Variants in CPNE4 observed in about 807,000 individuals in gnomAD.
CPNE4 encodes the protein copine-4.
Under a neutral mutation model 67.9 loss-of-function variants are expected in CPNE4, and 25 were observed. The ratio of observed to expected loss-of-function variants is 0.37; its 90% confidence interval spans 0.27 to 0.51. CPNE4 has a LOEUF of 0.51. Among genes scored for constraint, CPNE4 ranks in the 20% least tolerant of loss-of-function variants. The pLI, the probability that CPNE4 is intolerant of heterozygous loss-of-function variation, is 0.93. For missense variants in CPNE4, 464 were observed against 690.8 expected (o/e 0.67, Z 3.68); for synonymous variants, 242 against 244.9 (o/e 0.99, Z 0.11).
chr3:131,563,163 A>G (rs779810510), intron 11 of CPNE4, among the ~76,000 whole-genome samples: 1 of 152,052 alleles, frequency 6.6e-6, no homozygotes, highest in South Asian at 2.1e-4. Flanking sequence ...TAGTATGATT[A>G]TCACCAATTA....
At chr3:131,711,411 G>C (rs970093997) in intron 3 of CPNE4, among the ~76,000 whole-genome samples, 6 of 152,202 alleles carry the variant, frequency 3.9e-5, no homozygotes, top group African/African-American at 1.4e-4. Context: ...TCAGTGGGGA[G>C]AGAGAAGTTT....
chr3:131,832,559 G>A (rs2085415385), intron 2 of CPNE4, among the ~76,000 whole-genome samples: 1 of 152,182 alleles, frequency 6.6e-6, no homozygotes, highest in South Asian at 2.1e-4. Context: ...TTACCTTGCA[G>A]TATGGACTTA....
At chr3:131,638,552 G>A (rs894403762) in intron 7 of CPNE4, among the ~76,000 whole-genome samples, 3 of 152,072 alleles carry the variant, frequency 2.0e-5, no homozygotes, top group African/African-American at 7.2e-5. Flanking sequence ...TAAGAAATGA[G>A]ACAGATGGCA....
chr3:131,955,048 G>A (rs941021886), intron 1 of CPNE4, among the ~76,000 whole-genome samples: 4 of 148,372 alleles, frequency 2.7e-5, no homozygotes, highest in Non-Finnish European at 4.5e-5. Context: ...GCTAGAAATC[G>A]CATGTTCCAT....
intron 1 of CPNE4, among the ~76,000 whole-genome samples, chr3:131,963,631 C>T (rs1052826394): frequency 2.0e-5 from 3 of 152,132 alleles, no homozygotes; most frequent in Admixed American, 6.5e-5. Flanking sequence ...CCGGGAAGTT[C>T]GGCAAAACTC....
intron 1 of CPNE4, among the ~76,000 whole-genome samples, chr3:131,985,527 C>T (rs971810172): frequency 3.3e-4 from 50 of 152,108 alleles, no homozygotes; most frequent in Admixed American, 2.0e-4. Context: ...TTATAATTTG[C>T]CTATGATTGC....
chr3:131,916,420 G>A (rs2089187983), intron 1 of CPNE4, among the ~76,000 whole-genome samples: 1 of 151,004 alleles, frequency 6.6e-6, no homozygotes, highest in Admixed American at 6.6e-5. Context: ...AACATATGAA[G>A]CCAGAAGCCA....
upstream of CPNE4, among the ~76,000 whole-genome samples, chr3:132,036,574 A>T (rs1418499910): frequency 6.6e-6 from 1 of 152,246 alleles, no homozygotes; most frequent in Non-Finnish European, 1.5e-5. Context: ...GTTAAGAGGT[A>T]GCCTCAGAGA....
At position 131,792,700 on chromosome 3, in the gene CPNE4, TAC is replaced by T. The variant is rs763591646; in HGVS notation, c.181-69077_181-69076del. ...ATATACACACGTGTATATATACATATACACACACGTGTATATATGTATATATA... is the reference window on the plus strand; with the variant it reads ...ATATACACACGTGTATATATACATATACACACGTGTATATATGTATATATA... On this transcript the variant is annotated intron_variant, in intron 2 of 15. Transcript: ENST00000429747. Among the ~76,000 whole-genome samples the T allele has an allele frequency of 7.2e-5, 6 of 83,766 alleles. 2 individuals are homozygous for T. Among genetic ancestry groups the T allele is most frequent in the African/African-American group, 2.1e-4 (4 of 18,816 alleles). 55.0% of individuals were successfully genotyped at this position (83,766 alleles called of 152,430 possible).
At chr3:131,548,354 AC>A (rs1363456243) in intron 14 of CPNE4, among the ~76,000 whole-genome samples, 2 of 152,142 alleles carry the variant, frequency 1.3e-5, no homozygotes, top group Non-Finnish European at 2.9e-5. Context: ...ATACTAGTGA[AC>A]AAGTCTTATT....
At chr3:131,866,636 A>G (rs1426108163) in intron 2 of CPNE4, among the ~76,000 whole-genome samples, 1 of 152,220 alleles carries the variant, frequency 6.6e-6, no homozygotes, top group African/African-American at 2.4e-5. Flanking sequence ...CTCAATGCAG[A>G]ATTCTTTCAG....
chr3:131,635,650 G>A (rs79194343), intron 7 of CPNE4, among the ~76,000 whole-genome samples: 3,874 of 152,262 alleles, frequency 0.025, 59 homozygotes, highest in Non-Finnish European at 0.035. Flanking sequence ...AGGACATCAC[G>A]AAAATTCTGC....
intron 2 of CPNE4, among the ~76,000 whole-genome samples, chr3:131,861,632 T>A (rs1420828024): frequency 6.6e-6 from 1 of 152,012 alleles, no homozygotes; most frequent in East Asian, 1.9e-4. Context: ...GGGGTTTCAC[T>A]ATGTTGGCCA....
chr3:131,854,547 T>A (rs28490328), intron 2 of CPNE4, among the ~76,000 whole-genome samples: 13 of 151,926 alleles, frequency 8.6e-5, no homozygotes, highest in African/African-American at 2.2e-4. Flanking sequence ...TTCAATTTTT[T>A]AAAAAATTGG....
At chr3:131,681,915 A>G (rs9839383) in intron 6 of CPNE4, among the ~76,000 whole-genome samples, 11,838 of 151,872 alleles carry the variant, frequency 0.078, 642 homozygotes, top group Middle Eastern at 0.17. Context: ...TGTTAGGATA[A>G]TTTGATACCT....
chr3:131,884,153 C>A (rs1156832845), intron 2 of CPNE4, among the ~76,000 whole-genome samples: 2 of 152,164 alleles, frequency 1.3e-5, no homozygotes, highest in African/African-American at 2.4e-5. Context: ...CCTTCTGTAT[C>A]CTCAGCCCTT....
chr3:131,879,123 TG>T (rs1195409120), intron 2 of CPNE4, among the ~76,000 whole-genome samples: 1 of 150,818 alleles, frequency 6.6e-6, no homozygotes, highest in East Asian at 1.9e-4. Context: ...AGGGTGTGTG[TG>T]TGTGCGTGCT....
chr3:132,038,935 T>C (rs2074375155), upstream of CPNE4, among the ~76,000 whole-genome samples: 2 of 152,196 alleles, frequency 1.3e-5, no homozygotes, highest in Non-Finnish European at 1.5e-5. Flanking sequence ...GGGGTAGTGA[T>C]GTGATTAAGG....
chr3:131,788,597 T>C (rs1436862473), intron 2 of CPNE4, among the ~76,000 whole-genome samples: 1 of 152,152 alleles, frequency 6.6e-6, no homozygotes, highest in Non-Finnish European at 1.5e-5. Context: ...TTTGTCTATA[T>C]GCATAAAGTC....
Sources: allele counts gnomAD v4.1 joint callset (sites outside exome capture counted in the v4.1 genomes callset), GRCh38; gene constraint gnomAD v4.1.1; transcripts MANE v1.5; gene names NCBI Gene and HGNC (gene_info 2026-07-23, HGNC 2026-07-21).